The following MCCC2 variants were observed in gnomAD, a reference collection of about 807,000 sequenced individuals.
MCCC2 encodes methylcrotonyl-CoA carboxylase subunit 2, also known as methylcrotonoyl-CoA carboxylase beta chain, mitochondrial.
In MCCC2, 52 loss-of-function variants were observed where a neutral mutation model predicts 77.2. The observed-to-expected ratio is 0.67, with a 90% CI of 0.54 to 0.85. MCCC2 has a LOEUF of 0.85. Ranked by LOEUF, MCCC2 falls within the 40% of genes least tolerant of loss-of-function variation. The probability of loss-of-function intolerance (pLI) is 0.00; values close to 1 mark genes in which losing one functional copy is unlikely to be tolerated. For synonymous variants in MCCC2, 253 were observed against 248.4 expected (o/e 1.02, Z -0.18); for missense variants, 682 against 703.2 (o/e 0.97, Z 0.34).
chr5:71,645,812 A>G (rs1251480547), intron 12 of MCCC2, among the ~76,000 whole-genome samples: 2 of 152,244 alleles, frequency 1.3e-5, no homozygotes, highest in Non-Finnish European at 2.9e-5. Flanking sequence ...AAACTAGTGT[A>G]GTACAAACCT....
chr5:71,643,863 A>C lies in MCCC2; in HGVS notation c.1117A>C (p.Asn373His). ...GTACCCAGTAGGTATCGTTGGAAAC[A>C]ACGGAGTTCTCTTTTCTGAATCTGC... ...FGYPVGIVGN[N>H]GVLFSESAKK... Residue 373 changes from asparagine (N) to histidine (H), a missense_variant, in exon 12 of 17, where the codon AAC becomes CAC. By Grantham distance (68) the Asn-to-His change is moderately conservative. Transcript: ENST00000340941. 6.2e-7 allele frequency: 1 copy of C among 1,614,166 alleles called. No homozygotes were observed. The highest frequency in any genetic ancestry group is 1.3e-5 in the African/African-American group (1 of 75,064).
chr5:71,594,323 G>A (rs1745092671), intron 2 of MCCC2, among the ~76,000 whole-genome samples: 1 of 152,102 alleles, frequency 6.6e-6, no homozygotes, highest in African/African-American at 2.4e-5. Context: ...GAAGTCAGGA[G>A]TTCGAGACCA....
intron 6 of MCCC2, among the ~76,000 whole-genome samples, chr5:71,613,698 T>C (rs1746051840): frequency 6.6e-6 from 1 of 152,054 alleles, no homozygotes; most frequent in Non-Finnish European, 1.5e-5. Flanking sequence ...ATTGTACCAC[T>C]GCACTTCAGC....
chr5:71,599,759 G>A lies in MCCC2; in HGVS notation c.382G>A (p.Gly128Arg). 1 of 1,612,012 alleles carries A rather than the reference G, an allele frequency of 6.2e-7. No homozygotes were observed. The highest frequency in any genetic ancestry group is 1.3e-5 in the African/African-American group (1 of 75,020). ...GIITGIGRVS[G>R]VECMIIANDA... ...TATTACAGGCATTGGAAGAGTATCA[G>A]GGTGAGTATTCTACTTGTGCTTCAT... The change falls in exon 4 of 17, where the codon GGA (glycine) becomes AGA (arginine). Residue 128 changes from glycine (G) to arginine (R), a missense_variant and splice_region_variant. By Grantham distance (125) the Gly-to-Arg change is moderately radical. Transcript: ENST00000340941.
chr5:71,597,935 C>T (rs1745252965), intron 3 of MCCC2, among the ~76,000 whole-genome samples: 1 of 152,204 alleles, frequency 6.6e-6, no homozygotes, highest in African/African-American at 2.4e-5. Context: ...AAGCTCCCGG[C>T]TCTGCCCCTT....
At chr5:71,649,020 AG>A in intron 13 of MCCC2, 76 bp from the exon 14 acceptor site, 2 of 1,527,220 alleles carry the variant, frequency 1.3e-6, no homozygotes, top group Non-Finnish European at 1.8e-6. Flanking sequence ...TAGTAAAACA[AG>A]ATGTCCTTTT....
intron 1 of MCCC2, among the ~76,000 whole-genome samples, chr5:71,588,137 C>T (rs1196285845): frequency 6.6e-6 from 1 of 151,980 alleles, no homozygotes; most frequent in East Asian, 1.9e-4. Context: ...GGCATGGTGG[C>T]GCGCGCCTGT....
In MCCC2 at chr5:71,606,061, CT is replaced by C. The variant is rs997860436; in HGVS notation, c.624+1599del. Among the ~76,000 whole-genome samples, 19 of 152,070 alleles carry C rather than the reference CT, an allele frequency of 1.2e-4. No individual in the cohort carries two copies. In the East Asian group the frequency reaches 1.3e-3, roughly 11 times the overall value. Reference sequence around the variant, plus strand: ...TAGGATTGCCTTGGCGATGTGGGCTCTTTTTTGGTTCCATGTGAACTTTAAA... The same window carrying C: ...TAGGATTGCCTTGGCGATGTGGGCTCTTTTTGGTTCCATGTGAACTTTAAA... On this transcript the variant is annotated intron_variant, in intron 6 of 16. Coordinates refer to ENST00000340941, the MANE Select transcript of MCCC2 (RefSeq NM_022132.5).
At chr5:71,619,049 G>A (rs1363248307) in intron 6 of MCCC2, among the ~76,000 whole-genome samples, 3 of 152,038 alleles carry the variant, frequency 2.0e-5, no homozygotes, top group South Asian at 2.1e-4. Flanking sequence ...TTTCCTTTGT[G>A]TTGTATTCTG....
chr5:71,646,314 TCCAGAGCTGTA>T, intron 13 of MCCC2, 37 bp downstream of exon 13: 1 of 1,583,410 alleles, frequency 6.3e-7, no homozygotes, highest in Non-Finnish European at 8.7e-7. Context: ...TTGTATTGAT[TCCAGAGCTGTA>T]CCATCAGTGT....
At chr5:71,590,897 C>CT (rs1159207277) in intron 1 of MCCC2, among the ~76,000 whole-genome samples, 1 of 151,842 alleles carries the variant, frequency 6.6e-6, no homozygotes, top group Non-Finnish European at 1.5e-5. Flanking sequence ...GACATGTAGT[C>CT]TATCTTGGAG....
chr5:71,658,234 C>A lies in MCCC2; in HGVS notation c.*1374C>A, dbSNP rs1747634992. The A allele has an allele frequency of 6.6e-6, 1 of 152,186 alleles. No individual in the cohort carries two copies. 9.4% of individuals were successfully genotyped at this position (152,186 alleles called of 1,614,324 possible). A position where few individuals can be genotyped will look rare whatever the true frequency, so the allele number is the denominator to read the frequency against. ...GAGAACGGCTCCAGCTGTTCTAGCT[C>A]TCTTTCAGTTCTTTGAACCTTCCCA... On this transcript the variant is annotated 3_prime_UTR_variant, in exon 17 of 17. Transcript: ENST00000340941.
chr5:71,635,095 C>T, intron 9 of MCCC2, 53 bp downstream of exon 9: 1 of 1,611,780 alleles, frequency 6.2e-7, no homozygotes, highest in Non-Finnish European at 8.5e-7. Flanking sequence ...CATTTTGACT[C>T]ACTGCACCTT....
chr5:71,649,233 G>A lies in MCCC2; in HGVS notation c.1353G>A (p.Gly451=). The change falls in exon 14 of 17, where the codon GGG becomes GGA. Residue 451 remains glycine, a synonymous_variant. Transcript: ENST00000340941. ...GCTCCTATGGAGCCGGAAACTATGG[G>A]ATGTGTGGCAGAGCATATAGGTAGG... The part of the protein sequence containing the change: ...IGGSYGAGNY[G]MCGRAYSPRF... 6.2e-7 allele frequency: 1 copy of A among 1,614,174 alleles called. No homozygotes were observed. Among genetic ancestry groups the A allele is most frequent in the East Asian group, 2.2e-5 (1 of 44,888 alleles).
intron 16 of MCCC2, among the ~76,000 whole-genome samples, chr5:71,653,342 T>C (rs933171062): frequency 1.3e-5 from 2 of 152,192 alleles, no homozygotes. Context: ...TAAATTATCA[T>C]GCCTGTCCCA....
At chr5:71,654,504 G>T (rs1423221273) in intron 16 of MCCC2, among the ~76,000 whole-genome samples, 5 of 151,864 alleles carry the variant, frequency 3.3e-5, no homozygotes, top group Admixed American at 3.3e-4. Flanking sequence ...ATAGAAAGCC[G>T]TATAAGAGGT....
chr5:71,643,081 A>C (rs914515909), intron 11 of MCCC2, among the ~76,000 whole-genome samples: 2 of 151,952 alleles, frequency 1.3e-5, no homozygotes, highest in African/African-American at 4.8e-5. Context: ...AGAAAAAAAA[A>C]ACAAATCTTT....
chr5:71,608,684 C>CAT (rs1277470741), intron 6 of MCCC2, among the ~76,000 whole-genome samples: 2 of 152,178 alleles, frequency 1.3e-5, no homozygotes, highest in African/African-American at 4.8e-5. Context: ...AAGGTCTTTA[C>CAT]ATTTTGGCTT....
intron 6 of MCCC2, among the ~76,000 whole-genome samples, chr5:71,622,165 C>T (rs1300920499): frequency 2.0e-5 from 3 of 151,968 alleles, no homozygotes; most frequent in Non-Finnish European, 4.4e-5. Context: ...AATTTTCTTT[C>T]TAGGGTTTCA....
Sources: gnomAD v4.1 joint callset for allele counts (sites outside exome capture counted in the v4.1 genomes callset) on GRCh38, gnomAD v4.1.1 for gene constraint, MANE v1.5 for transcripts, NCBI Gene and HGNC (gene_info 2026-07-23, HGNC 2026-07-21) for gene names.